The following GLB1L3 variants were observed in gnomAD, a reference collection of about 807,000 sequenced individuals.
GLB1L3 encodes galactosidase beta 1 like 3, also known as beta-galactosidase-1-like protein 3.
Under a neutral mutation model 89.5 loss-of-function variants are expected in GLB1L3, and 89 were observed. That is an observed-to-expected ratio of 0.99 (90% CI 0.84 to 1.19). The LOEUF (loss-of-function observed/expected upper bound fraction) is 1.19. Among genes scored for constraint, GLB1L3 ranks in the 50% most tolerant of loss-of-function variants. The pLI is 0.00. For missense variants in GLB1L3, 812 were observed against 813.3 expected (o/e 1.00, Z 0.02); for synonymous variants, 314 against 312.3 (o/e 1.01, Z -0.06).
chr11:134,288,795 C>A lies in GLB1L3; in HGVS notation c.637-3C>A. On this transcript the variant is annotated splice_region_variant and splice_polypyrimidine_tract_variant and intron_variant, in intron 6 of 19. Coordinates refer to ENST00000431683, the MANE Select transcript of GLB1L3 (RefSeq NM_001080407.3). ...CTTTAACCCTCCTATGCTTGTTTCT[C>A]AGTACCGCCAGGCAGGCCCTGTCAT... The A allele has an allele frequency of 6.2e-7, 1 of 1,610,660 alleles. No individual in the cohort carries two copies. Among genetic ancestry groups the A allele is most frequent in the South Asian group, 1.1e-5 (1 of 90,596 alleles).
chr11:134,304,286 G>A (rs781103766), intron 9 of GLB1L3, among the ~76,000 whole-genome samples: 3 of 152,130 alleles, frequency 2.0e-5, no homozygotes, highest in Non-Finnish European at 4.4e-5. Flanking sequence ...CTTTTCAGCT[G>A]TATCTATGGT....
At chr11:134,320,101 C>T (rs1943145681), downstream of GLB1L3, among the ~76,000 whole-genome samples, 1 of 152,152 alleles carries the variant, frequency 6.6e-6, no homozygotes, top group Non-Finnish European at 1.5e-5. Flanking sequence ...CAAGCACTTT[C>T]TTATATACAA....
intron 15 of GLB1L3, 113 bp downstream of exon 15, chr11:134,313,000 CA>C: frequency 1.2e-6 from 1 of 811,754 alleles, no homozygotes; most frequent in Non-Finnish European, 2.1e-6. Context: ...TGCTGCTGCT[CA>C]CCTGGGGCGG....
chr11:134,308,655 T>TCACCACCACCACCACCACCAC (rs1186746011), intron 10 of GLB1L3, among the ~76,000 whole-genome samples: 4 of 105,538 alleles, frequency 3.8e-5, no homozygotes, highest in South Asian at 3.4e-4. Flanking sequence ...ACCACCATCA[T>TCACCACCACCACCACCACCAC]CACCACCACC....
intron 7 of GLB1L3, among the ~76,000 whole-genome samples, chr11:134,290,439 G>A (rs1438733730): frequency 2.0e-5 from 3 of 151,664 alleles, no homozygotes; most frequent in South Asian, 2.1e-4. Flanking sequence ...TGGGCGTGGT[G>A]GTGCACACCT....
intron 3 of GLB1L3, among the ~76,000 whole-genome samples, chr11:134,278,707 T>A (rs750894796): frequency 3.9e-5 from 6 of 152,204 alleles, no homozygotes; most frequent in Non-Finnish European, 8.8e-5. Flanking sequence ...AGAAGATGCT[T>A]AGAGGGCCCT....
chr11:134,277,230 C>T, intron 1 of GLB1L3, 96 bp from the exon 2 acceptor site: 1 of 1,536,888 alleles, frequency 6.5e-7, no homozygotes, highest in Non-Finnish European at 8.9e-7. Flanking sequence ...CTCCCTGGCT[C>T]TGGCCTCTAA....
rs1204829010 is a variant in GLB1L3 at position 134,288,866 on chromosome 11, AACAT to A, written c.710_713del (p.Tyr237CysfsTer9). ...AGTATGGCTCATTCAATAAGGATAA[AACAT>A]ACATGCCGTATCTCCACAAGGTAAG... On this transcript the variant is annotated frameshift_variant, in exon 7 of 20. Coordinates refer to ENST00000431683, the MANE Select transcript of GLB1L3 (RefSeq NM_001080407.3). LOFTEE classifies it high-confidence loss of function. 4 of 1,612,686 alleles carry A rather than the reference AACAT, an allele frequency of 2.5e-6. No homozygotes were observed. Among genetic ancestry groups the A allele is most frequent in the Admixed American group, 1.7e-5 (1 of 59,886 alleles).
intron 10 of GLB1L3, among the ~76,000 whole-genome samples, chr11:134,308,431 C>T (rs1565413689): frequency 2.4e-4 from 19 of 78,498 alleles, no homozygotes; most frequent in South Asian, 3.4e-4. Flanking sequence ...ATCACCATCA[C>T]CACCACCACC....
chr11:134,294,535 T>C (rs1440711862), intron 9 of GLB1L3, among the ~76,000 whole-genome samples: 2 of 152,236 alleles, frequency 1.3e-5, no homozygotes, highest in Non-Finnish European at 2.9e-5. Flanking sequence ...AAATCTCATT[T>C]GTACACCATT....
At chr11:134,293,988 T>A (rs989807552) in intron 9 of GLB1L3, among the ~76,000 whole-genome samples, 3 of 152,086 alleles carry the variant, frequency 2.0e-5, no homozygotes. Flanking sequence ...CTAGCCAGAC[T>A]CTGCAGCTTC....
In GLB1L3 at chr11:134,311,127, C is replaced by T. The variant is rs768588236; in HGVS notation, c.1244C>T (p.Ser415Leu). 6.2e-6 allele frequency: 10 copies of T among 1,613,882 alleles called. No homozygotes were observed. Among genetic ancestry groups the T allele is most frequent in the East Asian group, 2.2e-5 (1 of 44,862 alleles). The change falls in exon 13 of 20, where the codon TCG becomes TTG. Residue 415 changes from serine (S) to leucine (L), a missense_variant. Around this residue, in one of 3 missense-constraint regions of GLB1L3, gnomAD observed 618 missense variants for 604.0 expected, o/e 1.02. Coordinates refer to ENST00000431683, the MANE Select transcript of GLB1L3 (RefSeq NM_001080407.3). ...PKAVYPPVRP[S>L]LYLPLWDALS... ...GCTGTGTATCCCCCCGTGAGACCGT[C>T]GCTGTACCTCCCGCTGTGGGACGCC... is the stretch of plus-strand genomic sequence containing the variant.
intron 9 of GLB1L3, among the ~76,000 whole-genome samples, chr11:134,297,871 A>AG (rs1941734681): frequency 2.2e-5 from 3 of 135,344 alleles, no homozygotes; most frequent in African/African-American, 8.1e-5. Flanking sequence ...AAAAAAAAAA[A>AG]AAAAAAAAGA....
chr11:134,310,987 T>G, intron 12 of GLB1L3, 77 bp from the exon 13 acceptor site: 1 of 977,082 alleles, frequency 1.0e-6, no homozygotes. Flanking sequence ...AAAGCCATGC[T>G]GGATAGGCAT....
chr11:134,313,525 G>C, intron 16 of GLB1L3, 51 bp downstream of exon 16: 1 of 1,426,336 alleles, frequency 7.0e-7, no homozygotes, highest in Non-Finnish European at 9.7e-7. Flanking sequence ...GAAGACCCGG[G>C]CTATGCACTG....
chr11:134,315,445 T>C (rs1223718949), intron 18 of GLB1L3, among the ~76,000 whole-genome samples: 1 of 152,246 alleles, frequency 6.6e-6, no homozygotes, highest in African/African-American at 2.4e-5. Flanking sequence ...CTTCTAGAGC[T>C]GGCATTTTCT....
At chr11:134,285,862 G>A (rs1591539288) in intron 6 of GLB1L3, among the ~76,000 whole-genome samples, 1 of 151,194 alleles carries the variant, frequency 6.6e-6, no homozygotes, top group Non-Finnish European at 1.5e-5. Flanking sequence ...CAAACATATA[G>A]ATCTAGGCCT....
At position 134,281,398 on chromosome 11, in the gene GLB1L3, T is replaced by C. The variant is rs747782654; in HGVS notation, c.384T>C (p.His128=). The C allele has an allele frequency of 1.1e-5, 18 of 1,614,062 alleles. No individual in the cohort carries two copies. Among genetic ancestry groups the C allele is most frequent in the East Asian group, 4.5e-5 (2 of 44,890 alleles). The change falls in exon 4 of 20, where the codon CAT becomes CAC. Residue 128 remains histidine, a synonymous_variant. Coordinates refer to ENST00000431683, the MANE Select transcript of GLB1L3 (RefSeq NM_001080407.3). ...CTAGCTATGTTCCGTGGAACCTGCATGAGCCAGAAAGAGGCAAATTTGACT... is the reference window on the plus strand; with the variant it reads ...CTAGCTATGTTCCGTGGAACCTGCACGAGCCAGAAAGAGGCAAATTTGACT... ...TVTTYVPWNL[H]EPERGKFDFS...
intron 9 of GLB1L3, among the ~76,000 whole-genome samples, chr11:134,302,565 T>C (rs1246290063): frequency 1.3e-5 from 2 of 152,172 alleles, no homozygotes; most frequent in Non-Finnish European, 2.9e-5. Flanking sequence ...TTTTCTTTTA[T>C]CTTTAAGGTA....
Sources: gnomAD v4.1 joint callset for allele counts (sites outside exome capture counted in the v4.1 genomes callset) on GRCh38, gnomAD v4.1.1 for gene constraint, gnomAD v4.1.1 regional missense constraint, MANE v1.5 for transcripts, NCBI Gene and HGNC (gene_info 2026-07-23, HGNC 2026-07-21) for gene names.